The following KCNMB2 variants were observed in gnomAD, a reference collection of about 807,000 sequenced individuals.
The protein encoded by KCNMB2 is potassium calcium-activated channel subfamily M regulatory beta subunit 2.
A neutral mutation model predicts 24.5 loss-of-function variants in KCNMB2; 9 were observed. The ratio of observed to expected loss-of-function variants is 0.37; its 90% CI spans 0.22 to 0.64. The LOEUF is 0.64. KCNMB2 is among the 30% of genes least tolerant of loss of function. The probability of loss-of-function intolerance (pLI) is 0.63; values close to 1 mark genes in which losing one functional copy is unlikely to be tolerated. For missense variants in KCNMB2, 226 were observed against 284.3 expected (o/e 0.79, Z 1.47); for synonymous variants, 109 against 104.4 (o/e 1.04, Z -0.27).
intron 1 of KCNMB2, among the ~76,000 whole-genome samples, chr3:178,747,972 A>C (rs1723726391): frequency 6.6e-6 from 1 of 152,250 alleles, no homozygotes; most frequent in African/African-American, 2.4e-5. Context: ...TATGATTGAC[A>C]TTTCTAATGT....
chr3:178,673,959 C>T (rs1017108139), intron 1 of KCNMB2, among the ~76,000 whole-genome samples: 4 of 152,142 alleles, frequency 2.6e-5, no homozygotes, highest in African/African-American at 9.7e-5. Flanking sequence ...CTCTACCAAT[C>T]GTTTTAATCA....
At chr3:178,618,279 C>A (rs897139120) in intron 1 of KCNMB2, among the ~76,000 whole-genome samples, 4 of 152,134 alleles carry the variant, frequency 2.6e-5, no homozygotes. Flanking sequence ...TTATCATCAT[C>A]ATCTATTATT....
chr3:178,758,631 T>C (rs1423568347), intron 1 of KCNMB2, among the ~76,000 whole-genome samples: 1 of 11,894 alleles, frequency 8.4e-5, no homozygotes, highest in Non-Finnish European at 1.4e-4. Flanking sequence ...TATATATATA[T>C]CTCTCTCTCC....
chr3:178,784,926 C>A (rs982429444), intron 1 of KCNMB2, among the ~76,000 whole-genome samples: 33 of 148,110 alleles, frequency 2.2e-4, no homozygotes, highest in Non-Finnish European at 3.9e-4. Context: ...AGTATCCACT[C>A]TTAATGTTGG....
intron 1 of KCNMB2, among the ~76,000 whole-genome samples, chr3:178,722,055 A>T (rs1306627372): frequency 1.3e-5 from 2 of 152,104 alleles, no homozygotes; most frequent in African/African-American, 2.4e-5. Flanking sequence ...AAAAGGTTTC[A>T]TTTTGATAAA....
chr3:178,780,319 G>C (rs1466712865), intron 1 of KCNMB2, among the ~76,000 whole-genome samples: 4 of 152,092 alleles, frequency 2.6e-5, no homozygotes, highest in Non-Finnish European at 5.9e-5. Flanking sequence ...ATTCCTTATA[G>C]GAACAATGCT....
At chr3:178,759,706 A>ATATG (rs1711647572) in intron 1 of KCNMB2, among the ~76,000 whole-genome samples, 1 of 118,184 alleles carries the variant, frequency 8.5e-6, no homozygotes, top group African/African-American at 3.1e-5. Context: ...ACACATATAT[A>ATATG]TATCCAAGAG....
chr3:178,661,927 T>C (rs1720546111), intron 1 of KCNMB2, among the ~76,000 whole-genome samples: 1 of 152,144 alleles, frequency 6.6e-6, no homozygotes, highest in Non-Finnish European at 1.5e-5. Context: ...AAGGTGGCTG[T>C]TATTATCCCA....
At chr3:178,705,672 T>G (rs1039519284) in intron 1 of KCNMB2, among the ~76,000 whole-genome samples, 14 of 152,202 alleles carry the variant, frequency 9.2e-5, no homozygotes, top group African/African-American at 3.4e-4. Flanking sequence ...ATGCTTTTTA[T>G]AGTTGTCTGT....
At chr3:178,707,226 T>C (rs1485893112) in intron 1 of KCNMB2, among the ~76,000 whole-genome samples, 1 of 152,094 alleles carries the variant, frequency 6.6e-6, no homozygotes, top group Non-Finnish European at 1.5e-5. Context: ...TGTGAAACAT[T>C]GGGTAAACTA....
Position 178,591,240 on chromosome 3 carries a change from A to G in KCNMB2, c.-68+54529A>G, listed in dbSNP as rs950569978. On this transcript the variant is annotated intron_variant, in intron 1 of 4. Coordinates refer to ENST00000452583, the MANE Select transcript of KCNMB2 (RefSeq NM_181361.3). ...ACATAATCAATACTCAATGGTTAAGATTAATAAATACTCATTAGAGGAATC... is the reference window on the plus strand; with the variant it reads ...ACATAATCAATACTCAATGGTTAAGGTTAATAAATACTCATTAGAGGAATC... 3.3e-5 allele frequency among the ~76,000 whole-genome samples: 5 copies of G among 152,216 alleles called. No homozygotes were observed. In the South Asian group the frequency reaches 8.3e-4, roughly 25 times the overall value.
intron 1 of KCNMB2, among the ~76,000 whole-genome samples, chr3:178,629,392 G>A (rs530779397): frequency 6.6e-6 from 1 of 152,182 alleles, no homozygotes; most frequent in Non-Finnish European, 1.5e-5. Flanking sequence ...AGGCAGAGTG[G>A]TGAAGTGAAG....
Position 178,731,827 on chromosome 3 carries a change from C to T in KCNMB2, c.-67-75516C>T, listed in dbSNP as rs1005281915. Among the ~76,000 whole-genome samples, 3 of 152,292 alleles carry T rather than the reference C, an allele frequency of 2.0e-5. No homozygotes were observed. The South Asian group carries it at 6.2e-4, about 32-fold the overall frequency. ...CTAAGGCAGGAGAATCGCTTGATCC[C>T]GTGGGGCAGAGTTTGCAGTGAGCCT... is the stretch of plus-strand genomic sequence containing the variant. On this transcript the variant is annotated intron_variant, in intron 1 of 4. Transcript: ENST00000452583.
intron 4 of KCNMB2, among the ~76,000 whole-genome samples, chr3:178,835,379 T>C (rs1715188385): frequency 6.6e-6 from 1 of 152,150 alleles, no homozygotes; most frequent in African/African-American, 2.4e-5. Flanking sequence ...TTTAAAAAAG[T>C]GACAGTAAAG....
At chr3:178,555,677 T>C (rs2108459169) in intron 1 of KCNMB2, among the ~76,000 whole-genome samples, 1 of 152,296 alleles carries the variant, frequency 6.6e-6, no homozygotes, top group South Asian at 2.1e-4. Context: ...TGAGAAAGAA[T>C]GGGGAGGTAT....
At chr3:178,611,798 G>T (rs1234427183) in intron 1 of KCNMB2, among the ~76,000 whole-genome samples, 1 of 152,006 alleles carries the variant, frequency 6.6e-6, no homozygotes, top group Non-Finnish European at 1.5e-5. Flanking sequence ...CTAATTATGG[G>T]ATTGACTTGC....
chr3:178,549,910 A>G (rs1359841642), intron 1 of KCNMB2, among the ~76,000 whole-genome samples: 1 of 152,164 alleles, frequency 6.6e-6, no homozygotes, highest in African/African-American at 2.4e-5. Context: ...AATGTAACTT[A>G]TAAAAAAGTA....
At chr3:178,725,834 T>G (rs1037139361) in intron 1 of KCNMB2, among the ~76,000 whole-genome samples, 3 of 151,954 alleles carry the variant, frequency 2.0e-5, no homozygotes, top group African/African-American at 7.2e-5. Context: ...TATTATTTCC[T>G]TTGAAGTGAG....
intron 1 of KCNMB2, among the ~76,000 whole-genome samples, chr3:178,685,056 C>T (rs1721416175): frequency 1.3e-5 from 2 of 152,156 alleles, no homozygotes; most frequent in Non-Finnish European, 1.5e-5. Flanking sequence ...TACTTCAGAA[C>T]CTTGAGTGTT....
Sources: gnomAD v4.1 joint callset for allele counts (sites outside exome capture counted in the v4.1 genomes callset) on GRCh38, gnomAD v4.1.1 for gene constraint, MANE v1.5 for transcripts, NCBI Gene and HGNC (gene_info 2026-07-23, HGNC 2026-07-21) for gene names.